BBS9: variants seen among roughly 807,000 people sequenced by gnomAD.
The protein encoded by BBS9 is Bardet-Biedl syndrome 9, also known as protein PTHB1.
In BBS9, 89 loss-of-function variants were observed where a neutral mutation model predicts 117.7. The ratio of observed to expected loss-of-function variants is 0.76; its 90% CI spans 0.64 to 0.90. The LOEUF (loss-of-function observed/expected upper bound fraction) is 0.90. Among genes scored for constraint, BBS9 ranks in the 40% least tolerant of loss-of-function variants. The pLI is 0.00. For missense variants in BBS9, 982 were observed against 1,042.2 expected (o/e 0.94, Z 0.80); for synonymous variants, 379 against 370.9 (o/e 1.02, Z -0.25).
chr7:33,160,922 C>CA (rs1054676256), intron 4 of BBS9, among the ~76,000 whole-genome samples: 2 of 152,036 alleles, frequency 1.3e-5, no homozygotes, highest in African/African-American at 4.8e-5. Flanking sequence ...AGCCCTCTTG[C>CA]ATGGGAAAGC....
At chr7:33,332,550 G>A (rs1451600880) in intron 9 of BBS9, among the ~76,000 whole-genome samples, 3 of 152,018 alleles carry the variant, frequency 2.0e-5, no homozygotes, top group Non-Finnish European at 4.4e-5. Flanking sequence ...GGTGGCAGGC[G>A]CCTGTAATCC....
Position 33,146,286 on chromosome 7 carries a change from A to G in BBS9, c.34A>G (p.Thr12Ala), listed in dbSNP as rs4498440. 3,971 of 1,614,020 alleles carry G rather than the reference A, an allele frequency of 2.5e-3. 85 individuals carry two copies. The African/African-American group carries it at 0.046, about 19-fold the overall frequency. ...ATTTAAAGCCCGTGATTGGTGGTCT[A>G]CTATTCTGGGAGATAAAGAAGAATT... The part of the protein sequence containing the change: ...SLFKARDWWS[T>A]ILGDKEEFDQ... The change falls in exon 2 of 23, where the codon ACT (threonine) becomes GCT (alanine). Residue 12 changes from threonine to alanine, a missense_variant. By Grantham distance (58) the Thr-to-Ala change is moderately conservative. Coordinates refer to ENST00000242067, the MANE Select transcript of BBS9 (RefSeq NM_198428.3).
intron 9 of BBS9, among the ~76,000 whole-genome samples, chr7:33,278,670 C>G (rs1413301490): frequency 6.6e-6 from 1 of 152,080 alleles, no homozygotes; most frequent in South Asian, 2.1e-4. Flanking sequence ...TATTTCTTCA[C>G]TGTAATTAGA....
chr7:33,502,389 A>C (rs1467624346), intron 19 of BBS9, among the ~76,000 whole-genome samples: 1 of 152,176 alleles, frequency 6.6e-6, no homozygotes, highest in East Asian at 1.9e-4. Flanking sequence ...CCCTGAATGC[A>C]AAGTTGGGAA....
chr7:33,463,923 A>G (rs1434326910), intron 19 of BBS9, among the ~76,000 whole-genome samples: 1 of 152,102 alleles, frequency 6.6e-6, no homozygotes, highest in Non-Finnish European at 1.5e-5. Flanking sequence ...TTCTGGATGT[A>G]TCCATTGCCT....
At chr7:33,135,240 C>T (rs779372243) in intron 1 of BBS9, among the ~76,000 whole-genome samples, 10 of 152,154 alleles carry the variant, frequency 6.6e-5, no homozygotes, top group African/African-American at 9.7e-5. Flanking sequence ...TCTAAGAATC[C>T]ATTGCCAAAT....
intron 19 of BBS9, among the ~76,000 whole-genome samples, chr7:33,411,700 A>G (rs754306986): frequency 2.6e-5 from 4 of 152,146 alleles, no homozygotes; most frequent in Admixed American, 6.5e-5. Context: ...ATATGTAAGA[A>G]TATTTGGGGA....
chr7:33,354,247 G>A (rs75229536), intron 15 of BBS9, among the ~76,000 whole-genome samples: 3,964 of 152,144 alleles, frequency 0.026, 186 homozygotes, highest in African/African-American at 0.091. Flanking sequence ...ATAATATGTT[G>A]CCACTTAGAT....
chr7:33,341,292 G>A (rs534272387), intron 11 of BBS9, among the ~76,000 whole-genome samples: 1 of 152,026 alleles, frequency 6.6e-6, no homozygotes, highest in Non-Finnish European at 1.5e-5. Context: ...TAGCATTGAC[G>A]TAATACTAAT....
intron 5 of BBS9, among the ~76,000 whole-genome samples, chr7:33,236,248 C>G (rs934851632): frequency 2.6e-5 from 4 of 151,196 alleles, no homozygotes; most frequent in Non-Finnish European, 5.9e-5. Context: ...ATTGCTTGAA[C>G]CCAGGAGGCA....
Position 33,171,548 on chromosome 7 carries a change from C to T in BBS9, c.329-5930C>T, listed in dbSNP as rs535645184. Among the ~76,000 whole-genome samples, 21 of 152,174 alleles carry T rather than the reference C, an allele frequency of 1.4e-4. 1 individual carries two copies. The highest frequency in any genetic ancestry group is 1.2e-3 in the South Asian group (6 of 4,816). ...TGATTAAAACCCTAGAAAATAATTTCGAACTAATTTTATATCAGTATTTGT... is the reference window on the plus strand; with the variant it reads ...TGATTAAAACCCTAGAAAATAATTTTGAACTAATTTTATATCAGTATTTGT... On this transcript the variant is annotated intron_variant, in intron 4 of 22. Transcript: ENST00000242067.
At chr7:33,633,489 G>A (rs1246268597) in intron 21 of BBS9, among the ~76,000 whole-genome samples, 2 of 148,002 alleles carry the variant, frequency 1.4e-5, no homozygotes, top group Non-Finnish European at 3.0e-5. Context: ...GTATGGTGAA[G>A]TTGGTAAAGT....
At chr7:33,556,880 A>G (rs1157754554) in intron 21 of BBS9, among the ~76,000 whole-genome samples, 2 of 152,218 alleles carry the variant, frequency 1.3e-5, no homozygotes, top group Admixed American at 1.3e-4. Context: ...TTAATGAGTA[A>G]TAAGAAGTAC....
chr7:33,305,582 G>A (rs1003164103), intron 9 of BBS9, among the ~76,000 whole-genome samples: 7 of 152,114 alleles, frequency 4.6e-5, no homozygotes, highest in African/African-American at 4.8e-5. Flanking sequence ...CTTTCATCTC[G>A]TTACTCGATA....
chr7:33,196,628 A>G (rs1281396559), intron 5 of BBS9, among the ~76,000 whole-genome samples: 2 of 152,198 alleles, frequency 1.3e-5, no homozygotes, highest in Non-Finnish European at 2.9e-5. Flanking sequence ...TTAGAGAAGA[A>G]TCTCTGTGGT....
chr7:33,372,721 T>C (rs1278580149), intron 17 of BBS9, among the ~76,000 whole-genome samples: 1 of 152,146 alleles, frequency 6.6e-6, no homozygotes, highest in Non-Finnish European at 1.5e-5. Flanking sequence ...ATAGTTTGAG[T>C]AGAATTGTTA....
intron 7 of BBS9, among the ~76,000 whole-genome samples, chr7:33,268,461 T>C (rs1799188217): frequency 6.6e-6 from 1 of 152,234 alleles, no homozygotes; most frequent in African/African-American, 2.4e-5. Flanking sequence ...CTTTCAAGGC[T>C]GGAGCAATCA....
At chr7:33,312,288 C>T (rs144845345) in intron 9 of BBS9, among the ~76,000 whole-genome samples, 6 of 152,232 alleles carry the variant, frequency 3.9e-5, no homozygotes, top group African/African-American at 1.2e-4. Context: ...TTAGCTAGAG[C>T]GGGATATAGG....
At chr7:33,493,236 C>T (rs896290606) in intron 19 of BBS9, among the ~76,000 whole-genome samples, 1 of 152,118 alleles carries the variant, frequency 6.6e-6, no homozygotes, top group Non-Finnish European at 1.5e-5. Context: ...CTCAAGTGAT[C>T]GCCTGCCTTG....
Sources: gnomAD v4.1 joint callset for allele counts (sites outside exome capture counted in the v4.1 genomes callset) on GRCh38, gnomAD v4.1.1 for gene constraint, MANE v1.5 for transcripts, NCBI Gene and HGNC (gene_info 2026-07-23, HGNC 2026-07-21) for gene names.